PPP2R2B: variants seen among roughly 807,000 people sequenced by gnomAD.
PPP2R2B encodes serine/threonine-protein phosphatase 2A 55 kDa regulatory subunit B beta isoform.
A neutral mutation model predicts 46.0 loss-of-function variants in PPP2R2B; 5 were observed. That is an observed-to-expected ratio of 0.11 (90% CI 0.06 to 0.23). PPP2R2B has a LOEUF of 0.23. Ranked by LOEUF, PPP2R2B falls within the 10% of genes least tolerant of loss-of-function variation. PPP2R2B has a pLI of 1.00. For missense variants in PPP2R2B, 367 were observed against 575.0 expected (o/e 0.64, Z 3.70); for synonymous variants, 215 against 206.7 (o/e 1.04, Z -0.34).
At chr5:146,640,425 T>C (rs1387533927) in intron 6 of PPP2R2B, among the ~76,000 whole-genome samples, 1 of 152,198 alleles carries the variant, frequency 6.6e-6, no homozygotes, top group African/African-American at 2.4e-5. Context: ...CCTGTGCCCC[T>C]CAGGAGGAGG....
chr5:146,701,075 A>T lies in PPP2R2B; in HGVS notation c.138T>A (p.Gly46=). ...GCTCTCGTTGAAATATTACAACCCG[A>T]CCCCCCTTGTCCCCTGTCGCTAGTA... ...GELLATGDKG[G]RVVIFQREQE... Residue 46 remains glycine, a synonymous_variant, in exon 3 of 10, where the codon GGT becomes GGA. Transcript: ENST00000394411. The T allele has an allele frequency of 6.2e-7, 1 of 1,613,412 alleles. No individual in the cohort carries two copies. The highest frequency in any genetic ancestry group is 8.5e-7 in the Non-Finnish European group (1 of 1,179,670).
At chr5:146,684,177 T>C (rs1275115151) in intron 5 of PPP2R2B, among the ~76,000 whole-genome samples, 1 of 152,120 alleles carries the variant, frequency 6.6e-6, no homozygotes, top group Non-Finnish European at 1.5e-5. Flanking sequence ...CATAAAAGGA[T>C]TGGATGTGAA....
intron 1 of PPP2R2B, among the ~76,000 whole-genome samples, chr5:146,955,451 G>T (rs1161510263): frequency 6.6e-6 from 1 of 152,110 alleles, no homozygotes; most frequent in Non-Finnish European, 1.5e-5. Flanking sequence ...GTTTTAAATT[G>T]TTCTGTAATG....
At position 146,875,289 on chromosome 5, in the gene PPP2R2B, G is replaced by A. The variant is rs145175275; in HGVS notation, c.70+2713C>T. 2.4e-3 allele frequency among the ~76,000 whole-genome samples: 367 copies of A among 152,236 alleles called. 2 individuals carry two copies. Among genetic ancestry groups the A allele is most frequent in the African/African-American group, 8.4e-3 (350 of 41,536 alleles). On this transcript the variant is annotated intron_variant, in intron 2 of 9. Coordinates refer to ENST00000394411, the MANE Select transcript of PPP2R2B (RefSeq NM_181675.4). Reference sequence around the variant, plus strand: ...CTCAAAGATGTTAACTTTAAAAGAGGAGGAAAGGTAGGGGAGGGTGGTAAT... The same window carrying A: ...CTCAAAGATGTTAACTTTAAAAGAGAAGGAAAGGTAGGGGAGGGTGGTAAT...
rs1397896069 is a variant in PPP2R2B at position 146,812,791 on chromosome 5, GTGTATATATATATATATATATATA to G, written c.70+65187_70+65210del. Among the ~76,000 whole-genome samples, 3 of 9,946 alleles carry G rather than the reference GTGTATATATATATATATATATATA, an allele frequency of 3.0e-4. 1 individual carries two copies. The highest frequency in any genetic ancestry group is 5.4e-4 in the Non-Finnish European group (3 of 5,532). The allele number at this position is 9,946 out of a possible 152,430, so 6.5% of individuals were successfully genotyped here. A position where few individuals can be genotyped will look rare whatever the true frequency, so the allele number is the denominator to read the frequency against. ...TTAATGTGTGTGTGTGTGTATATGT[GTGTATATATATATATATATATATA>G]TATATATATATATACACACACATTT... On this transcript the variant is annotated intron_variant, in intron 2 of 9. Transcript: ENST00000394411.
intron 2 of PPP2R2B, among the ~76,000 whole-genome samples, chr5:146,723,584 A>G (rs1228826078): frequency 6.6e-6 from 1 of 152,190 alleles, no homozygotes; most frequent in African/African-American, 2.4e-5. Context: ...ACACCTCAGA[A>G]TAAACACATG....
chr5:146,680,323 C>T (rs553218869), intron 5 of PPP2R2B, among the ~76,000 whole-genome samples: 3 of 149,662 alleles, frequency 2.0e-5, no homozygotes, highest in Admixed American at 6.7e-5. Context: ...CATATTCTCA[C>T]TCATAGGTGG....
At chr5:146,828,015 GAGAGAGAGAC>G (rs1437927023) in intron 2 of PPP2R2B, among the ~76,000 whole-genome samples, 108 of 151,952 alleles carry the variant, frequency 7.1e-4, no homozygotes, top group Middle Eastern at 3.4e-3. Flanking sequence ...GAGAGAGAGA[GAGAGAGAGAC>G]AGAGACAGAG....
At chr5:146,943,554 A>G (rs534798593) in intron 1 of PPP2R2B, among the ~76,000 whole-genome samples, 1 of 152,332 alleles carries the variant, frequency 6.6e-6, no homozygotes, top group East Asian at 1.9e-4. Flanking sequence ...TGTTTTCTTT[A>G]AATTGCAATC....
chr5:146,844,278 C>T (rs1177248094), intron 2 of PPP2R2B, among the ~76,000 whole-genome samples: 11 of 149,666 alleles, frequency 7.3e-5, no homozygotes, highest in Non-Finnish European at 1.6e-4. Flanking sequence ...GGGTGCAGCG[C>T]ACCAGCATGG....
At chr5:146,928,356 T>A (rs756573199) in intron 1 of PPP2R2B, among the ~76,000 whole-genome samples, 43 of 151,856 alleles carry the variant, frequency 2.8e-4, no homozygotes, top group Admixed American at 2.6e-3. Context: ...AAAGGACACC[T>A]CTAAGTCACC....
At chr5:146,725,019 T>C (rs991220324) in intron 2 of PPP2R2B, among the ~76,000 whole-genome samples, 1 of 151,684 alleles carries the variant, frequency 6.6e-6, no homozygotes, top group Non-Finnish European at 1.5e-5. Flanking sequence ...AGTTTAATAA[T>C]TCTAATTCAT....
At chr5:146,818,150 A>G (rs187592680) in intron 2 of PPP2R2B, among the ~76,000 whole-genome samples, 2 of 152,202 alleles carry the variant, frequency 1.3e-5, no homozygotes, top group East Asian at 3.9e-4. Flanking sequence ...AGGAGTTTAT[A>G]TACTCCTTTT....
chr5:146,812,092 T>C (rs1272969712), intron 2 of PPP2R2B, among the ~76,000 whole-genome samples: 1 of 152,090 alleles, frequency 6.6e-6, no homozygotes, highest in Non-Finnish European at 1.5e-5. Flanking sequence ...GAGTTAACTT[T>C]GGACTTTTGT....
At chr5:146,948,979 A>C (rs1001673870) in intron 1 of PPP2R2B, among the ~76,000 whole-genome samples, 1 of 152,124 alleles carries the variant, frequency 6.6e-6, no homozygotes, top group African/African-American at 2.4e-5. Flanking sequence ...AGCTTCTGAA[A>C]CACTGGGTTT....
In PPP2R2B at chr5:146,621,491, C is replaced by T. The variant is rs920759148; in HGVS notation, c.790+16760G>A. Among the ~76,000 whole-genome samples the T allele has an allele frequency of 4.6e-5, 7 of 152,216 alleles. No homozygotes were observed. In the East Asian group the frequency reaches 1.3e-3, roughly 29 times the overall value. On this transcript the variant is annotated intron_variant, in intron 7 of 9. Coordinates refer to ENST00000394411, the MANE Select transcript of PPP2R2B (RefSeq NM_181675.4). ...TGGTGCTGAGAACAGACACTGGCGG[C>T]CCCACACCTCTGAAGGCATGGTTCC...
intron 2 of PPP2R2B, among the ~76,000 whole-genome samples, chr5:146,862,811 G>A (rs1761083559): frequency 6.9e-6 from 1 of 145,296 alleles, no homozygotes. Context: ...TCTACATCAA[G>A]GCCATTCATA....
intron 1 of PPP2R2B, chr5:146,919,727 G>C (rs1763526195): frequency 6.6e-6 from 1 of 152,194 alleles, no homozygotes; most frequent in South Asian, 2.1e-4. Context: ...TCCATGGACA[G>C]CCCAAACAAT....
intron 2 of PPP2R2B, among the ~76,000 whole-genome samples, chr5:146,714,234 G>T (rs781542175): frequency 3.9e-5 from 6 of 152,164 alleles, no homozygotes; most frequent in Non-Finnish European, 8.8e-5. Flanking sequence ...TAAAAGTTTA[G>T]AGTAAAACTT....
Sources: gnomAD v4.1 joint callset for allele counts (sites outside exome capture counted in the v4.1 genomes callset) on GRCh38, gnomAD v4.1.1 for gene constraint, MANE v1.5 for transcripts, NCBI Gene and HGNC (gene_info 2026-07-23, HGNC 2026-07-21) for gene names.